The following HIVEP1 variants were observed in gnomAD, a reference collection of about 807,000 sequenced individuals.
HIVEP1 encodes HIVEP zinc finger 1.
HIVEP1 carries 36 observed loss-of-function variants against 180.0 expected under a neutral mutation model. That is an observed-to-expected ratio of 0.20 (90% confidence interval 0.15 to 0.26). HIVEP1 has a LOEUF of 0.26. Ranked by LOEUF, HIVEP1 falls within the 10% of genes least tolerant of loss-of-function variation. The probability of loss-of-function intolerance (pLI) is 1.00; values close to 1 mark genes in which losing one functional copy is unlikely to be tolerated. For synonymous variants in HIVEP1, 1,239 were observed against 1,239.0 expected, an observed-to-expected ratio of 1.00 and a Z score of 0.00; for missense variants, 3,143 against 3,268.7, an observed-to-expected ratio of 0.96 and a Z score of 0.94.
At chr6:12,187,723 G>A in the HIVEP1 span, among the ~76,000 whole-genome samples, 4 of 151,850 alleles carry the variant, frequency 2.6e-5, no homozygotes, top group African/African-American at 4.8e-5. Flanking sequence ...CTCCTGAGTA[G>A]CTGGGATTAC....
intron 6 of HIVEP1, among the ~76,000 whole-genome samples, chr6:12,135,409 T>C (rs1758647800): frequency 6.6e-6 from 1 of 151,970 alleles, no homozygotes; most frequent in African/African-American, 2.4e-5. Context: ...AAGAAACAAA[T>C]GAGAAAGAGC....
rs1270878129 is a variant in HIVEP1 at position 12,163,600 on chromosome 6, T to G, written c.7296T>G (p.Ser2432Arg). Reference protein sequence around the residue: ...GPVQLTIPAVSVVHRTLGTHR... With the variant: ...GPVQLTIPAVRVVHRTLGTHR... Reference sequence around the variant, plus strand: ...TGCAGCTCACGATCCCTGCTGTCAGTGTCGTTCACAGAACTTTGGGTACTC... The same window carrying G: ...TGCAGCTCACGATCCCTGCTGTCAGGGTCGTTCACAGAACTTTGGGTACTC... Residue 2432 changes from serine (S) to arginine (R), a missense_variant, in exon 9 of 9, where the codon AGT becomes AGG. Around this residue, in one of 12 missense-constraint regions of HIVEP1, gnomAD observed 595 missense variants for 602.2 expected, o/e 0.99. Transcript: ENST00000379388. 6.2e-7 allele frequency: 1 copy of G among 1,614,158 alleles called. No homozygotes were observed. Among genetic ancestry groups the G allele is most frequent in the Middle Eastern group, 1.6e-4 (1 of 6,062 alleles).
At chr6:12,109,992 T>A (rs1774781391) in intron 3 of HIVEP1, among the ~76,000 whole-genome samples, 1 of 152,264 alleles carries the variant, frequency 6.6e-6, no homozygotes, top group East Asian at 1.9e-4. Context: ...AACATTCATC[T>A]TCTTATACAT....
At chr6:12,167,648 T>TGTA (rs1581823380), downstream of HIVEP1, among the ~76,000 whole-genome samples, 19 of 88,472 alleles carry the variant, frequency 2.1e-4, no homozygotes, top group African/African-American at 1.1e-3. Context: ...TACATATACA[T>TGTA]ATATATGTTA....
chr6:12,078,833 T>C (rs1422405480), intron 2 of HIVEP1, among the ~76,000 whole-genome samples: 1 of 151,790 alleles, frequency 6.6e-6, no homozygotes, highest in Non-Finnish European at 1.5e-5. Flanking sequence ...AGTGAGTTTG[T>C]TTTGTTTTTT....
chr6:12,167,822 A>G (rs55888887), downstream of HIVEP1, among the ~76,000 whole-genome samples: 108 of 145,454 alleles, frequency 7.4e-4, no homozygotes, highest in African/African-American at 2.5e-3. Context: ...AGATGTGCGT[A>G]TATAATATGT....
chr6:12,172,445 GA>G, the HIVEP1 span, among the ~76,000 whole-genome samples: 1 of 151,334 alleles, frequency 6.6e-6, no homozygotes, highest in South Asian at 2.1e-4. Context: ...ATCTCATTCT[GA>G]AAAAAAATAT....
chr6:12,190,533 C>T, the HIVEP1 span, among the ~76,000 whole-genome samples: 1 of 152,156 alleles, frequency 6.6e-6, no homozygotes, highest in Non-Finnish European at 1.5e-5. Context: ...ACTCTTTTGT[C>T]CCAACTCTGC....
At chr6:12,069,725 T>TAATA (rs527573166) in intron 2 of HIVEP1, among the ~76,000 whole-genome samples, 2,109 of 151,710 alleles carry the variant, frequency 0.014, 23 homozygotes, top group Middle Eastern at 0.068. Flanking sequence ...AGTATAATAA[T>TAATA]AATAAATAAA....
intron 2 of HIVEP1, among the ~76,000 whole-genome samples, chr6:12,058,002 TA>T (rs1016163731): frequency 3.5e-4 from 53 of 152,210 alleles, no homozygotes; most frequent in African/African-American, 1.2e-3. Context: ...CTTGCATGAG[TA>T]ATTGAAAAAA....
At chr6:12,053,269 A>C (rs1043809897) in intron 2 of HIVEP1, among the ~76,000 whole-genome samples, 1 of 152,048 alleles carries the variant, frequency 6.6e-6, no homozygotes, top group Admixed American at 6.6e-5. Context: ...ATTTTGTGGC[A>C]TATATAGCCA....
At chr6:12,116,364 G>A (rs534055344) in intron 3 of HIVEP1, among the ~76,000 whole-genome samples, 20 of 152,248 alleles carry the variant, frequency 1.3e-4, no homozygotes, top group African/African-American at 3.9e-4. Context: ...CCCACTCTGA[G>A]CTGTTCAGCC....
rs371728541 is a variant in HIVEP1, at chr6:12,123,173, G to T, written c.3378G>T (p.Leu1126=). 1.1e-5 allele frequency: 17 copies of T among 1,614,084 alleles called. No individual in the cohort carries two copies. The highest frequency in any genetic ancestry group is 1.4e-5 in the Non-Finnish European group (16 of 1,180,048). The change falls in exon 4 of 9, where the codon CTG becomes CTT. Residue 1126 remains leucine (L), a synonymous_variant. Transcript: ENST00000379388. ...ISSAAQDKIE[L]QRHGTGISVI... ...CAGCAGCCCAGGACAAGATAGAACTGCAGAGACACGGAACTGGAATCTCTG... is the reference window on the plus strand; with the variant it reads ...CAGCAGCCCAGGACAAGATAGAACTTCAGAGACACGGAACTGGAATCTCTG...
intron 2 of HIVEP1, among the ~76,000 whole-genome samples, chr6:12,055,358 A>C (rs1219429050): frequency 6.6e-6 from 1 of 152,170 alleles, no homozygotes; most frequent in Non-Finnish European, 1.5e-5. Flanking sequence ...CTGTAATCCC[A>C]GCTACTCGGG....
intron 2 of HIVEP1, among the ~76,000 whole-genome samples, chr6:12,073,578 C>A (rs925219673): frequency 4.6e-5 from 7 of 152,160 alleles, no homozygotes; most frequent in Non-Finnish European, 7.4e-5. Flanking sequence ...TTAAATGTGG[C>A]CTCACCTCCT....
intron 8 of HIVEP1, among the ~76,000 whole-genome samples, chr6:12,162,205 T>G (rs994880224): frequency 8.4e-6 from 1 of 119,180 alleles, no homozygotes; most frequent in Non-Finnish European, 1.7e-5. Context: ...ATTTGCTTTT[T>G]GAAAAATTTT....
intron 2 of HIVEP1, among the ~76,000 whole-genome samples, chr6:12,077,572 G>A (rs71551291): frequency 0.15 from 23,425 of 152,162 alleles, 2,380 homozygotes; most frequent in Non-Finnish European, 0.23. Context: ...GGGAAGATGG[G>A]GCTGGAGATC....
chr6:12,078,453 A>G (rs12210300), intron 2 of HIVEP1, among the ~76,000 whole-genome samples: 35,748 of 151,680 alleles, frequency 0.24, 5,148 homozygotes, highest in Non-Finnish European at 0.32. Context: ...TACAGTTCTC[A>G]TGGTTCCTGG....
At chr6:12,108,686 CG>C (rs1229460460) in intron 3 of HIVEP1, among the ~76,000 whole-genome samples, 10 of 152,190 alleles carry the variant, frequency 6.6e-5, no homozygotes, top group Non-Finnish European at 2.9e-5. Flanking sequence ...GCTCCGAGTG[CG>C]GGGCCCGCCA....
Sources: gnomAD v4.1 joint callset for allele counts (sites outside exome capture counted in the v4.1 genomes callset) on GRCh38, gnomAD v4.1.1 for gene constraint, gnomAD v4.1.1 regional missense constraint, MANE v1.5 for transcripts, NCBI Gene and HGNC (gene_info 2026-07-23, HGNC 2026-07-21) for gene names.